PABPC4: variants seen among roughly 807,000 people sequenced by gnomAD.
PABPC4 encodes the protein polyadenylate-binding protein 4.
A neutral mutation model predicts 74.5 loss-of-function variants in PABPC4; 15 were observed. The observed-to-expected ratio is 0.20, with a 90% CI of 0.13 to 0.31. The LOEUF (loss-of-function observed/expected upper bound fraction) is 0.31. Ranked by LOEUF, PABPC4 falls within the 10% of genes least tolerant of loss-of-function variation. The probability of loss-of-function intolerance (pLI) is 1.00; values close to 1 mark genes in which losing one functional copy is unlikely to be tolerated. For synonymous variants in PABPC4, 345 were observed against 303.0 expected, an observed-to-expected ratio of 1.14 and a Z score of -1.44; for missense variants, 610 against 853.5, an observed-to-expected ratio of 0.71 and a Z score of 3.55.
Position 39,561,670 on chromosome 1 carries a change from A to G in PABPC4, c.*13+15T>C. 6.3e-7 allele frequency: 1 copy of G among 1,574,856 alleles called. No homozygotes were observed. The highest frequency in any genetic ancestry group is 8.7e-7 in the Non-Finnish European group (1 of 1,146,534). On this transcript the variant is annotated intron_variant, in intron 15 of 15. Coordinates refer to ENST00000372858, the MANE Select transcript of PABPC4 (RefSeq NM_001135653.2). ...CAATGCTCATAGGAACAAAAATGAA[A>G]ATAGCCACACATACGGTTTTTCCTT... is the stretch of plus-strand genomic sequence containing the variant.
At position 39,576,112 on chromosome 1, in the gene PABPC4, G is replaced by C. The variant is rs917531946; in HGVS notation, c.-161C>G. On this transcript the variant is annotated 5_prime_UTR_variant, in exon 1 of 16. Transcript: ENST00000372858. The stretch of plus-strand genomic sequence containing the variant: ...AGTCGGCGGGCTTGGAGACGGGACG[G>C]AAACGGGAGGCGGGGGCCGGCTCCC... 2 of 526,280 alleles carry C rather than the reference G, an allele frequency of 3.8e-6. No individual in the cohort carries two copies. Among genetic ancestry groups the C allele is most frequent in the African/African-American group, 4.1e-5 (2 of 49,314 alleles). 32.6% of individuals were successfully genotyped at this position (526,280 alleles called of 1,614,324 possible).
At chr1:39,573,732 T>C (rs980463187) in intron 1 of PABPC4, among the ~76,000 whole-genome samples, 2 of 151,882 alleles carry the variant, frequency 1.3e-5, no homozygotes, top group South Asian at 2.1e-4. Flanking sequence ...GGCAGGAAAA[T>C]TGTTTGGACC....
chr1:39,567,477 G>C (rs1012297278), intron 7 of PABPC4: 1 of 579,956 alleles, frequency 1.7e-6, no homozygotes, highest in East Asian at 4.2e-5. Context: ...ACACCGGCAC[G>C]AGGCAGCAAG....
Position 39,572,167 on chromosome 1 carries a change from G to A in PABPC4, c.387+226C>T, listed in dbSNP as rs1382265606. 2.6e-5 allele frequency among the ~76,000 whole-genome samples: 4 copies of A among 152,172 alleles called. No individual in the cohort carries two copies. In the East Asian group the frequency reaches 7.7e-4, roughly 29 times the overall value. On this transcript the variant is annotated intron_variant, in intron 2 of 15. Transcript: ENST00000372858. ...GTGGGCTTTCCAAAGCTAAAGAATA[G>A]GAAGGATATTTCAGGCTGAGTAAAG...
intron 1 of PABPC4, among the ~76,000 whole-genome samples, chr1:39,574,676 C>A (rs905025513): frequency 9.2e-5 from 14 of 152,374 alleles, no homozygotes; most frequent in African/African-American, 3.4e-4. Flanking sequence ...CAGCCGCAAC[C>A]TGGGCAGGTA....
At position 39,575,837 on chromosome 1, in the gene PABPC4, A is replaced by C. The variant is rs777981043; in HGVS notation, c.115T>G (p.Ser39Ala). The C allele has an allele frequency of 6.2e-7, 1 of 1,612,116 alleles. No homozygotes were observed. The highest frequency in any genetic ancestry group is 8.5e-7 in the Non-Finnish European group (1 of 1,179,516). Residue 39 changes from serine (S) to alanine (A), a missense_variant, in exon 1 of 16, where the codon TCC becomes GCC. Transcript: ENST00000372858. ...EKFSPAGPVL[S>A]IRVCRDMITR... is the part of the protein sequence containing the mutation. ...ATCATATCGCGGCAGACCCGGATGG[A>C]CAGCACAGGCCCCGCGGGGCTGAAC...
At position 39,564,362 on chromosome 1, in the gene PABPC4, G is replaced by A. The variant is rs146280026; in HGVS notation, c.1453+61C>T. The A allele has an allele frequency of 8.9e-4, 1,410 of 1,591,206 alleles. 6 individuals carry two copies. In the African/African-American group the frequency reaches 0.015, roughly 17 times the overall value. On this transcript the variant is annotated intron_variant, in intron 10 of 15. Coordinates refer to ENST00000372858, the MANE Select transcript of PABPC4 (RefSeq NM_001135653.2). ...CCAACAAACTGACCAACCCAGGACA[G>A]AGCCTAGTCATCCTGACTCCCTCCT...
At chr1:39,572,621 AAACGTCAGCTCCC>A (rs1366660020) in intron 1 of PABPC4, 35 bp from the exon 2 acceptor site, 1 of 1,550,372 alleles carries the variant, frequency 6.5e-7, no homozygotes, top group East Asian at 2.3e-5. Flanking sequence ...TAAGGAGAGA[AAACGTCAGCTCCC>A]ACAGGCCAAC....
At chr1:39,563,149 C>G (rs1044265895) in intron 12 of PABPC4, 2 of 166,956 alleles carry the variant, frequency 1.2e-5, no homozygotes, top group Admixed American at 5.9e-5. Flanking sequence ...CTAGAGACAG[C>G]AAGTTACAGC....
rs1394537114 is a variant in PABPC4 at position 39,576,441 on chromosome 1, G to C, written c.-490C>G. ...TGTGGGCGCCGACTCGGCGAGCCCC[G>C]GGCGGGCGGCGAAGGGCAGCACGGA... On this transcript the variant is annotated 5_prime_UTR_variant, in exon 1 of 16. Transcript: ENST00000372858. The C allele has an allele frequency of 6.6e-6, 1 of 151,332 alleles. No individual in the cohort carries two copies. The highest frequency in any genetic ancestry group is 1.5e-5 in the Non-Finnish European group (1 of 67,714). 9.4% of individuals were successfully genotyped at this position (151,332 alleles called of 1,614,324 possible).
chr1:39,565,476 AG>A, intron 7 of PABPC4, 98 bp from the exon 8 acceptor site: 1 of 1,298,452 alleles, frequency 7.7e-7, no homozygotes, highest in Non-Finnish European at 1.1e-6. Flanking sequence ...CTGAGGTGGG[AG>A]GGCTGCTTGA....
chr1:39,563,922 C>T lies in PABPC4; in HGVS notation c.1454G>A (p.Gly485Glu). 6.2e-7 allele frequency: 1 copy of T among 1,614,096 alleles called. No homozygotes were observed. The highest frequency in any genetic ancestry group is 8.5e-7 in the Non-Finnish European group (1 of 1,180,002). ...AGCCAAGCGGTCCGGGCACTCAGACCCTACAACAGACCAGCAAATGCACAT... is the reference window on the plus strand; with the variant it reads ...AGCCAAGCGGTCCGGGCACTCAGACTCTACAACAGACCAGCAAATGCACAT... ...RGLPTTTQRVGSECPDRLAMD... is the reference protein window; with the variant it reads ...RGLPTTTQRVESECPDRLAMD... Residue 485 changes from glycine to glutamate, a missense_variant and splice_region_variant, in exon 11 of 16, where the codon GGG becomes GAG. By Grantham distance (98) the Gly-to-Glu change is moderately conservative. Transcript: ENST00000372858.
At chr1:39,568,550 A>G in intron 6 of PABPC4, 1 of 407,608 alleles carries the variant, frequency 2.5e-6, no homozygotes, top group South Asian at 6.0e-5. Flanking sequence ...AGGAACCTAC[A>G]TGGCTAAAAG....
chr1:39,562,670 TAAAAC>T (rs531814360), intron 12 of PABPC4: 179 of 423,384 alleles, frequency 4.2e-4, no homozygotes, highest in African/African-American at 3.4e-3. Flanking sequence ...ACGTAAATAA[TAAAAC>T]AAACCTATAG....
chr1:39,565,123 C>CA lies in PABPC4; in HGVS notation c.1227dup (p.Val410CysfsTer17). ...ACACCCACCTGTGGGACTGCTGGCACAAAGTAGCCACCCGCTGCAGGCTGG... is the reference window on the plus strand; with the variant it reads ...ACACCCACCTGTGGGACTGCTGGCACAAAAGTAGCCACCCGCTGCAGGCTGG... On this transcript the variant is annotated frameshift_variant, in exon 8 of 16. Transcript: ENST00000372858. LOFTEE classifies it high-confidence loss of function. 6.2e-7 allele frequency: 1 copy of CA among 1,613,978 alleles called. No individual in the cohort carries two copies. The highest frequency in any genetic ancestry group is 8.5e-7 in the Non-Finnish European group (1 of 1,180,016).
rs1646030761 is a variant in PABPC4, at chr1:39,576,651, C to T, written c.-700G>A. ...GAAAGTGACTTCCCCGCGGGTTCTCCGAGGATTCGTTTTTTCTTTTCCTTT... is the reference window on the plus strand; with the variant it reads ...GAAAGTGACTTCCCCGCGGGTTCTCTGAGGATTCGTTTTTTCTTTTCCTTT... On this transcript the variant is annotated 5_prime_UTR_variant, in exon 1 of 16. Coordinates refer to ENST00000372858, the MANE Select transcript of PABPC4 (RefSeq NM_001135653.2). 1 of 148,654 alleles carries T rather than the reference C, an allele frequency of 6.7e-6. No individual in the cohort carries two copies. The highest frequency in any genetic ancestry group is 1.5e-5 in the Non-Finnish European group (1 of 67,094). 9.2% of individuals were successfully genotyped at this position (148,654 alleles called of 1,614,324 possible).
intron 5 of PABPC4, 25 bp from the exon 6 acceptor site, chr1:39,568,964 A>C: frequency 6.3e-7 from 1 of 1,598,652 alleles, no homozygotes. Context: ...TATGTCTTTA[A>C]AATAAAGTTG....
chr1:39,569,590 C>T lies in PABPC4; in HGVS notation c.738+5G>A. The stretch of plus-strand genomic sequence containing the variant: ...AGCTTTTCCCAATCTTTGTGGTATA[C>T]TCACCTTATTGGCATCCTCGTGTTT... On this transcript the variant is annotated splice_donor_5th_base_variant and intron_variant, in intron 5 of 15. Coordinates refer to ENST00000372858, the MANE Select transcript of PABPC4 (RefSeq NM_001135653.2). The T allele has an allele frequency of 6.2e-7, 1 of 1,611,010 alleles. No individual in the cohort carries two copies.
intron 1 of PABPC4, 104 bp downstream of exon 1, chr1:39,575,655 C>T: frequency 1.1e-6 from 1 of 909,686 alleles, no homozygotes; most frequent in Non-Finnish European, 1.6e-6. Context: ...TCGGTGGCAA[C>T]ATGCTGTCGT....
Sources: gnomAD v4.1 joint callset for allele counts (sites outside exome capture counted in the v4.1 genomes callset) on GRCh38, gnomAD v4.1.1 for gene constraint, MANE v1.5 for transcripts, NCBI Gene and HGNC (gene_info 2026-07-23, HGNC 2026-07-21) for gene names.